AKAP9: variants seen among roughly 807,000 people sequenced by gnomAD.
The protein encoded by AKAP9 is A-kinase anchor protein 9.
In AKAP9, 311 loss-of-function variants were observed where a neutral mutation model predicts 488.5. The ratio of observed to expected loss-of-function variants is 0.64; its 90% CI spans 0.58 to 0.70. AKAP9 has a LOEUF of 0.70. Among genes scored for constraint, AKAP9 ranks in the 30% least tolerant of loss-of-function variants. AKAP9 has a pLI of 0.00. For missense variants in AKAP9, 4,215 were observed against 4,374.5 expected (o/e 0.96, Z 1.03); for synonymous variants, 1,462 against 1,483.5 (o/e 0.99, Z 0.33).
chr7:91,996,775 G>A (rs1798456969), intron 7 of AKAP9, among the ~76,000 whole-genome samples: 1 of 152,176 alleles, frequency 6.6e-6, no homozygotes, highest in Non-Finnish European at 1.5e-5. Flanking sequence ...AGGTTCTTCT[G>A]CAAGAGGTTG....
intron 1 of AKAP9, among the ~76,000 whole-genome samples, chr7:91,944,356 C>A (rs972977878): frequency 6.6e-6 from 1 of 151,532 alleles, no homozygotes; most frequent in Non-Finnish European, 1.5e-5. Context: ...ATTCTTGATA[C>A]AATGTATCTC....
At chr7:92,042,242 G>A in intron 19 of AKAP9, 56 bp downstream of exon 19, 1 of 1,608,022 alleles carries the variant, frequency 6.2e-7, no homozygotes, top group Non-Finnish European at 8.5e-7. Flanking sequence ...AGTAGGATTT[G>A]TTTGTCTTTG....
intron 2 of AKAP9, among the ~76,000 whole-genome samples, chr7:91,977,603 A>G (rs1006669674): frequency 2.6e-5 from 4 of 152,204 alleles, no homozygotes; most frequent in Non-Finnish European, 4.4e-5. Flanking sequence ...TTGTCTGTTA[A>G]GTACAATATC....
At chr7:91,989,730 AT>A (rs1797538426) in intron 3 of AKAP9, among the ~76,000 whole-genome samples, 1 of 152,072 alleles carries the variant, frequency 6.6e-6, no homozygotes, top group South Asian at 2.1e-4. Flanking sequence ...TTGAACTCTT[AT>A]AATTTTCATG....
rs370346906 is a variant in AKAP9, at chr7:91,994,761, G to A, written c.717G>A (p.Gln239=). The change falls in exon 6 of 50, where the codon CAG becomes CAA. Residue 239 remains glutamine (Q), a synonymous_variant. Transcript: ENST00000356239. ...TGACAGAACAGAGTCAAAAATTACA[G>A]ATTCAATTTCAGCAAGTAAGTATTA... The part of the protein sequence containing the change: ...LELTEQSQKL[Q]IQFQQLQASE... 196 of 1,610,894 alleles carry A rather than the reference G, an allele frequency of 1.2e-4. 1 individual carries two copies. Among genetic ancestry groups the A allele is most frequent in the Non-Finnish European group, 1.4e-4 (170 of 1,178,854 alleles).
At chr7:92,057,897 TTTTTGGTTTTTG>T (rs1163007402) in intron 22 of AKAP9, 1 of 229,082 alleles carries the variant, frequency 4.4e-6, no homozygotes, top group Non-Finnish European at 8.7e-6. Context: ...TTTTTGATTT[TTTTTGGTTTTTG>T]TTTTGGTTTG....
At chr7:92,040,972 A>C in intron 18 of AKAP9, 74 bp downstream of exon 18, 1 of 1,253,070 alleles carries the variant, frequency 8.0e-7, no homozygotes, top group Non-Finnish European at 1.1e-6. Context: ...CAGATCCCCA[A>C]TTAAAACAAC....
rs780426213 is a variant in AKAP9, at chr7:91,978,173, C to T, written c.307-2116C>T. ...AGGAGAATTGCTTGAACCTGGGAGG[C>T]GGAGGTTGCAGTGAGCCAAGATGAT... On this transcript the variant is annotated intron_variant, in intron 2 of 49. Coordinates refer to ENST00000356239, the MANE Select transcript of AKAP9 (RefSeq NM_005751.5). Among the ~76,000 whole-genome samples the T allele has an allele frequency of 6.4e-5, 9 of 139,962 alleles. No individual in the cohort carries two copies. The East Asian group carries it at 6.5e-4, about 10-fold the overall frequency. The allele number at this position is 139,962 out of a possible 152,430, so 91.8% of individuals were successfully genotyped here.
intron 10 of AKAP9, among the ~76,000 whole-genome samples, chr7:92,014,915 T>A (rs1801296306): frequency 1.3e-5 from 2 of 152,186 alleles, no homozygotes; most frequent in South Asian, 4.1e-4. Context: ...GATGGAGACA[T>A]CCTGGGAGAC....
intron 21 of AKAP9, among the ~76,000 whole-genome samples, chr7:92,047,743 C>T (rs1584309105): frequency 2.6e-5 from 4 of 152,084 alleles, no homozygotes; most frequent in Admixed American, 2.6e-4. Flanking sequence ...AACTGTTGAC[C>T]GATTCTGAAA....
intron 46 of AKAP9, among the ~76,000 whole-genome samples, chr7:92,103,140 C>G (rs987075031): frequency 2.0e-5 from 3 of 152,112 alleles, no homozygotes; most frequent in Non-Finnish European, 4.4e-5. Context: ...CCTGTAATCC[C>G]AGCACTTTGG....
Position 92,102,830 on chromosome 7 carries a change from A to G in AKAP9, c.11330+4A>G. 6.2e-7 allele frequency: 1 copy of G among 1,612,244 alleles called. No individual in the cohort carries two copies. Among genetic ancestry groups the G allele is most frequent in the African/African-American group, 1.3e-5 (1 of 74,986 alleles). ...GAGTATCCATTGCAATTTCCAGGTA[A>G]AGACTTGAAGGAAAATGCATTTTAC... On this transcript the variant is annotated splice_donor_region_variant and intron_variant, in intron 46 of 49. Transcript: ENST00000356239.
intron 22 of AKAP9, among the ~76,000 whole-genome samples, chr7:92,057,420 C>G (rs1808978213): frequency 1.3e-5 from 2 of 152,064 alleles, no homozygotes; most frequent in Non-Finnish European, 2.9e-5. Context: ...TCTAAATGCC[C>G]TTTCAAAGCC....
intron 31 of AKAP9, among the ~76,000 whole-genome samples, chr7:92,081,877 T>C (rs1813647864): frequency 6.6e-6 from 1 of 152,218 alleles, no homozygotes; most frequent in African/African-American, 2.4e-5. Context: ...TCTATAATTA[T>C]ATATTTTGCA....
chr7:91,947,011 ATTAT>A (rs1562878178), intron 1 of AKAP9, among the ~76,000 whole-genome samples: 1 of 152,220 alleles, frequency 6.6e-6, no homozygotes, highest in African/African-American at 2.4e-5. Context: ...AATAAGGGAC[ATTAT>A]TTATATTCAT....
rs1813262561 is a variant in AKAP9 at position 92,080,111 on chromosome 7, A to G, written c.7978A>G (p.Lys2660Glu). ...GGGCAATGAGAAAAAACAGAGAGAG[A>G]AAGAAAAGAAAAGAAGCCCTCAAGA... is the stretch of plus-strand genomic sequence containing the variant. The part of the protein sequence containing the change: ...LEGNEKKQRE[K>E]EKKRSPQDVE... Residue 2660 changes from lysine (K) to glutamate (E), a missense_variant, in exon 31 of 50, where the codon AAA becomes GAA. Coordinates refer to ENST00000356239, the MANE Select transcript of AKAP9 (RefSeq NM_005751.5). The G allele has an allele frequency of 6.3e-7, 1 of 1,591,046 alleles. No homozygotes were observed. The highest frequency in any genetic ancestry group is 8.5e-7 in the Non-Finnish European group (1 of 1,175,472).
intron 1 of AKAP9, among the ~76,000 whole-genome samples, chr7:91,960,357 G>C (rs532439600): frequency 6.6e-6 from 1 of 152,138 alleles, no homozygotes; most frequent in Admixed American, 6.5e-5. Context: ...TAGGATTGGG[G>C]TGTAATGACA....
At chr7:91,992,539 C>T (rs1439560867) in intron 4 of AKAP9, among the ~76,000 whole-genome samples, 2 of 151,824 alleles carry the variant, frequency 1.3e-5, no homozygotes, top group Admixed American at 6.6e-5. Flanking sequence ...TGGCAGCCGC[C>T]TGTAGTCCCA....
intron 26 of AKAP9, among the ~76,000 whole-genome samples, 158 bp from the exon 27 acceptor site, chr7:92,069,872 A>G (rs1811394020): frequency 2.0e-5 from 3 of 152,144 alleles, no homozygotes; most frequent in Non-Finnish European, 2.9e-5. Context: ...AGCCTGGGTA[A>G]CATAATGAGA....
Sources: gnomAD v4.1 joint callset for allele counts (sites outside exome capture counted in the v4.1 genomes callset) on GRCh38, gnomAD v4.1.1 for gene constraint, MANE v1.5 for transcripts, NCBI Gene and HGNC (gene_info 2026-07-23, HGNC 2026-07-21) for gene names.